FGD4: variants seen among roughly 807,000 people sequenced by gnomAD.
FGD4 encodes the protein FYVE, RhoGEF and PH domain containing 4.
A neutral mutation model predicts 102.0 loss-of-function variants in FGD4; 42 were observed. The ratio of observed to expected loss-of-function variants is 0.41; its 90% CI spans 0.32 to 0.53. FGD4 has a LOEUF of 0.53. Ranked by LOEUF, FGD4 falls within the 20% of genes least tolerant of loss-of-function variation. FGD4 has a pLI of 0.21. For missense variants in FGD4, 902 were observed against 1,078.2 expected, an observed-to-expected ratio of 0.84 and a Z score of 2.29; for synonymous variants, 380 against 375.7, an observed-to-expected ratio of 1.01 and a Z score of -0.13.
In FGD4 at chr12:32,422,288, C is replaced by CTTTTTTTTTTTTTTTTTTTTTTTTT. The variant is rs770560590; in HGVS notation, c.166+22333_166+22357dup. Among the ~76,000 whole-genome samples the CTTTTTTTTTTTTTTTTTTTTTTTTT allele has an allele frequency of 6.5e-4, 35 of 54,176 alleles. 9 individuals carry two copies. The highest frequency in any genetic ancestry group is 9.3e-4 in the Non-Finnish European group (28 of 30,244). 35.5% of individuals were successfully genotyped at this position (54,176 alleles called of 152,430 possible). On this transcript the variant is annotated intron_variant, in intron 1 of 16. Coordinates refer to ENST00000534526, the MANE Select transcript of FGD4 (RefSeq NM_001370298.3). ...TTGAAGCATCTCAAATTGGGAGCTG[C>CTTTTTTTTTTTTTTTTTTTTTTTTT]TTTTTTTTTTTTTTTTTTTTTTTTT...
At chr12:32,632,719 T>TA (rs1160961287) in intron 14 of FGD4, among the ~76,000 whole-genome samples, 1 of 136,134 alleles carries the variant, frequency 7.3e-6, no homozygotes, top group South Asian at 2.2e-4. Context: ...ATTTATTTTT[T>TA]TTTTTTGAGA....
intron 1 of FGD4, among the ~76,000 whole-genome samples, chr12:32,500,691 C>T (rs1415729977): frequency 1.3e-5 from 2 of 152,122 alleles, no homozygotes; most frequent in Non-Finnish European, 2.9e-5. Context: ...CTCAGCCTCC[C>T]AAAGTGCTGG....
Position 32,625,784 on chromosome 12 carries a change from G to C in FGD4, c.2172+5G>C. ...CATTGTCGAGCATGTGGATATGTAA[G>C]TGAGATTTCTTGATCATTAAGGTTG... is the stretch of plus-strand genomic sequence containing the variant. On this transcript the variant is annotated splice_donor_5th_base_variant and intron_variant, in intron 14 of 16. Coordinates refer to ENST00000534526, the MANE Select transcript of FGD4 (RefSeq NM_001370298.3). The C allele has an allele frequency of 6.2e-7, 1 of 1,613,880 alleles. No homozygotes were observed. Among genetic ancestry groups the C allele is most frequent in the Non-Finnish European group, 8.5e-7 (1 of 1,179,874 alleles).
intron 2 of FGD4, 142 bp downstream of exon 2, chr12:32,564,431 T>C: frequency 9.5e-7 from 1 of 1,053,718 alleles, no homozygotes; most frequent in African/African-American, 1.6e-5. Flanking sequence ...AGAGTCCATC[T>C]GTGCATCTTC....
At chr12:32,485,701 C>T (rs996417893) in intron 1 of FGD4, among the ~76,000 whole-genome samples, 3 of 152,040 alleles carry the variant, frequency 2.0e-5, no homozygotes, top group African/African-American at 7.3e-5. Context: ...GCCTAGGCCT[C>T]CCAGAGTGCT....
rs369514615 is a variant in FGD4 at position 32,558,617 on chromosome 12, G to A, written c.167-5520G>A. Among the ~76,000 whole-genome samples the A allele has an allele frequency of 3.5e-4, 53 of 152,328 alleles. 3 individuals are homozygous for A. The South Asian group carries it at 0.01, about 29-fold the overall frequency. ...ATGTAATATAACAGCCTATAACAGA[G>A]TCTAGCAAATAGTAGCCAAAAGTCA... On this transcript the variant is annotated intron_variant, in intron 1 of 16. Coordinates refer to ENST00000534526, the MANE Select transcript of FGD4 (RefSeq NM_001370298.3).
chr12:32,638,823 A>T, intron 16 of FGD4, 28 bp downstream of exon 16: 1 of 1,613,722 alleles, frequency 6.2e-7, no homozygotes, highest in East Asian at 2.2e-5. Context: ...GTCTGAAGGG[A>T]CAGATGCCCT....
At chr12:32,480,798 CT>C (rs535014734) in intron 1 of FGD4, among the ~76,000 whole-genome samples, 6,236 of 139,822 alleles carry the variant, frequency 0.045, 160 homozygotes, top group Middle Eastern at 0.15. Flanking sequence ...CACGCCCGGC[CT>C]TTTTTTTTTT....
intron 1 of FGD4, among the ~76,000 whole-genome samples, chr12:32,498,836 C>T (rs1240703748): frequency 3.3e-5 from 5 of 152,128 alleles, no homozygotes; most frequent in Non-Finnish European, 5.9e-5. Flanking sequence ...CTCCTGACCT[C>T]GTGATCCGCC....
At chr12:32,482,076 T>C (rs1332157686) in intron 1 of FGD4, among the ~76,000 whole-genome samples, 1 of 152,224 alleles carries the variant, frequency 6.6e-6, no homozygotes, top group Non-Finnish European at 1.5e-5. Flanking sequence ...TAATTGTCTA[T>C]ACCAGTAAAA....
chr12:32,603,382 T>C (rs1948549016), intron 7 of FGD4, among the ~76,000 whole-genome samples: 1 of 150,282 alleles, frequency 6.7e-6, no homozygotes, highest in Non-Finnish European at 1.5e-5. Flanking sequence ...TTCCTTTTTA[T>C]TTTATTTATT....
Position 32,564,391 on chromosome 12 carries a change from G to C in FGD4, c.319+102G>C. 9 of 1,392,186 alleles carry C rather than the reference G, an allele frequency of 6.5e-6. No homozygotes were observed. The South Asian group carries it at 1.2e-4, about 18-fold the overall frequency. The allele number at this position is 1,392,186 out of a possible 1,614,324, so 86.2% of individuals were successfully genotyped here. ...CAAAGAAAGTGTTTTAAGCTAGAAG[G>C]AAGGAATTGGGTACATTATTTTTTA... On this transcript the variant is annotated intron_variant, in intron 2 of 16. Transcript: ENST00000534526.
chr12:32,478,326 G>T (rs973081952), intron 1 of FGD4, among the ~76,000 whole-genome samples: 1 of 152,058 alleles, frequency 6.6e-6, no homozygotes, highest in South Asian at 2.1e-4. Flanking sequence ...GGAGTGCCAC[G>T]ATCTCGGCTT....
chr12:32,620,528 T>C (rs867400254), intron 11 of FGD4, among the ~76,000 whole-genome samples: 137 of 109,438 alleles, frequency 1.3e-3, no homozygotes, highest in Admixed American at 1.5e-3. Context: ...TTCTTTTTTT[T>C]TTTTTTTTTT....
rs1161650860 is a variant in FGD4, at chr12:32,576,377, C to G, written c.431C>G (p.Ala144Gly). 3.1e-6 allele frequency: 5 copies of G among 1,614,008 alleles called. No individual in the cohort carries two copies. The highest frequency in any genetic ancestry group is 4.2e-6 in the Non-Finnish European group (5 of 1,180,040). The change falls in exon 3 of 17, where the codon GCC becomes GGC. Residue 144 changes from alanine to glycine, a missense_variant. Around this residue, in one of 2 missense-constraint regions of FGD4, gnomAD observed 443 missense variants for 459.2 expected, o/e 0.96. Transcript: ENST00000534526. ...AKPRMEEIKP[A>G]SASCVSKEKP... ...CCAAGGATGGAGGAAATTAAACCTG[C>G]CTCTGCTTCTTGTGTCTCAAAAGAA...
chr12:32,490,615 T>TCTTGAACCCCTGAC (rs1944055465), intron 1 of FGD4, among the ~76,000 whole-genome samples: 1 of 152,042 alleles, frequency 6.6e-6, no homozygotes, highest in Non-Finnish European at 1.5e-5. Context: ...GCCAGGCTGG[T>TCTTGAACCCCTGAC]CTTGAACTCC....
At chr12:32,539,287 G>C (rs1410635805) in intron 1 of FGD4, among the ~76,000 whole-genome samples, 1 of 151,476 alleles carries the variant, frequency 6.6e-6, no homozygotes, top group Non-Finnish European at 1.5e-5. Context: ...ACCAATACAC[G>C]GGCCAGGTGC....
intron 14 of FGD4, among the ~76,000 whole-genome samples, chr12:32,632,709 A>ATT (rs1218752600): frequency 5.9e-4 from 74 of 124,456 alleles, no homozygotes; most frequent in African/African-American, 2.3e-3. Context: ...TTATTTATTT[A>ATT]TTTATTTTTT....
rs890112068 is a variant in FGD4, at chr12:32,644,154, A to C, written c.*3621A>C. Reference sequence around the variant, plus strand: ...AAGTCAAGAATGTCTTAATGTTTTCATTCTTAAATTTTGTATTCTCCAAGA... The same window carrying C: ...AAGTCAAGAATGTCTTAATGTTTTCCTTCTTAAATTTTGTATTCTCCAAGA... On this transcript the variant is annotated 3_prime_UTR_variant, in exon 17 of 17. Coordinates refer to ENST00000534526, the MANE Select transcript of FGD4 (RefSeq NM_001370298.3). 1 of 152,150 alleles carries C rather than the reference A, an allele frequency of 6.6e-6. No homozygotes were observed. 9.4% of individuals were successfully genotyped at this position (152,150 alleles called of 1,614,324 possible).
Sources: allele counts gnomAD v4.1 joint callset (sites outside exome capture counted in the v4.1 genomes callset), GRCh38; gene constraint gnomAD v4.1.1; regional missense constraint gnomAD v4.1.1; transcripts MANE v1.5; gene names NCBI Gene and HGNC (gene_info 2026-07-23, HGNC 2026-07-21).